HIP1R: variants seen among roughly 807,000 people sequenced by gnomAD.
HIP1R encodes the protein huntingtin interacting protein 1 related, also known as huntingtin-interacting protein 1-related protein.
HIP1R carries 135 observed loss-of-function variants against 144.2 expected under a neutral mutation model. The ratio of observed to expected loss-of-function variants is 0.94; its 90% CI spans 0.81 to 1.08. The LOEUF is 1.08. HIP1R is among the 50% of genes least tolerant of loss of function. The pLI is 0.00. For synonymous variants in HIP1R, 698 were observed against 612.8 expected, an observed-to-expected ratio of 1.14 and a Z score of -2.05; for missense variants, 1,462 against 1,432.8, an observed-to-expected ratio of 1.02 and a Z score of -0.33.
At chr12:122,842,577 A>G (rs971447232) in intron 1 of HIP1R, among the ~76,000 whole-genome samples, 1 of 152,154 alleles carries the variant, frequency 6.6e-6, no homozygotes, top group Admixed American at 6.5e-5. Context: ...ACAGAGTATG[A>G]TCGGTGGACA....
chr12:122,850,999 G>GC, intron 6 of HIP1R, 88 bp downstream of exon 6: 1 of 1,218,766 alleles, frequency 8.2e-7, no homozygotes, highest in Non-Finnish European at 1.2e-6. Context: ...GTCCGCATGG[G>GC]GCAGTGGGGT....
At chr12:122,838,320 T>TAA (rs66537531) in intron 1 of HIP1R, among the ~76,000 whole-genome samples, 17 of 145,384 alleles carry the variant, frequency 1.2e-4, no homozygotes, top group African/African-American at 3.6e-4. Context: ...GTCCCTTTGG[T>TAA]TAAAAAAAAA....
At position 122,851,261 on chromosome 12, in the gene HIP1R, G is replaced by C; in HGVS notation, c.541G>C (p.Asp181His). Residue 181 changes from aspartate to histidine, a missense_variant, in exon 7 of 32, where the codon GAT becomes CAT. By Grantham distance (81) the Asp-to-His change is moderately conservative (BLOSUM62 -1). Transcript: ENST00000253083. ...CTTCCAGCTCACTGTGGAGATGTTT[G>C]ATTACATGGATTGTGAGCTGAAGCT... ...NIFQLTVEMF[D>H]YMDCELKLSE... 1 of 1,552,290 alleles carries C rather than the reference G, an allele frequency of 6.4e-7. No homozygotes were observed. The highest frequency in any genetic ancestry group is 8.6e-7 in the Non-Finnish European group (1 of 1,157,312).
rs1369575855 is a variant in HIP1R, at chr12:122,848,068, C to A, written c.131C>A (p.Ala44Asp). The change falls in exon 2 of 32, where the codon GCC (alanine) becomes GAC (aspartate). Residue 44 changes from alanine (A) to aspartate (D), a missense_variant. Transcript: ENST00000253083. ...SISKAINTQE[A>D]PVKEKHARRI... ...AGCAAAGCCATCAACACCCAGGAGGCCCCCGTGAAGGAGAAGCACGCCCGG... is the reference window on the plus strand; with the variant it reads ...AGCAAAGCCATCAACACCCAGGAGGACCCCGTGAAGGAGAAGCACGCCCGG... The A allele has an allele frequency of 2.5e-6, 4 of 1,613,472 alleles. No homozygotes were observed. The highest frequency in any genetic ancestry group is 3.4e-6 in the Non-Finnish European group (4 of 1,179,970).
At position 122,861,784 on chromosome 12, in the gene HIP1R, G is replaced by C; in HGVS notation, c.*31G>C. The C allele has an allele frequency of 6.2e-7, 1 of 1,609,430 alleles. No individual in the cohort carries two copies. The highest frequency in any genetic ancestry group is 8.5e-7 in the Non-Finnish European group (1 of 1,176,264). On this transcript the variant is annotated 3_prime_UTR_variant, in exon 32 of 32. Coordinates refer to ENST00000253083, the MANE Select transcript of HIP1R (RefSeq NM_003959.3). The stretch of plus-strand genomic sequence containing the variant: ...CCAGGGGTCCAGCAGGGTGGCTGGT[G>C]ACAGGCCTGGGCCTCTGCAACTGCC...
At position 122,853,068 on chromosome 12, in the gene HIP1R, G is replaced by T. The variant is rs145286511; in HGVS notation, c.578-975G>T. 6.1e-3 allele frequency among the ~76,000 whole-genome samples: 931 copies of T among 152,268 alleles called. 14 individuals are homozygous for T. Among genetic ancestry groups the T allele is most frequent in the African/African-American group, 0.021 (888 of 41,548 alleles). On this transcript the variant is annotated intron_variant, in intron 7 of 31. Transcript: ENST00000253083. ...AGGGGCCAGGGCACAGGTCTGTGCA[G>T]CGGGGGCTGTCTGGCCGCTCTCCCG...
intron 8 of HIP1R, 41 bp downstream of exon 8, chr12:122,854,224 T>A: frequency 6.3e-7 from 1 of 1,584,842 alleles, no homozygotes; most frequent in Non-Finnish European, 8.6e-7. Context: ...AAGGCTGTGT[T>A]TATATGGCTT....
At chr12:122,854,695 C>CAA (rs2135665361) in intron 8 of HIP1R, among the ~76,000 whole-genome samples, 1 of 152,340 alleles carries the variant, frequency 6.6e-6, no homozygotes, top group Admixed American at 6.5e-5. Context: ...CCTTCCTTTC[C>CAA]ATTCGCTGTT....
At chr12:122,845,293 G>A (rs1023356948) in intron 1 of HIP1R, among the ~76,000 whole-genome samples, 9 of 152,214 alleles carry the variant, frequency 5.9e-5, no homozygotes, top group African/African-American at 9.6e-5. Flanking sequence ...CGAGGCCCAC[G>A]GAGCAGCCAC....
chr12:122,859,857 C>T, intron 24 of HIP1R, 27 bp downstream of exon 24: 2 of 1,605,258 alleles, frequency 1.2e-6, no homozygotes, highest in Non-Finnish European at 1.7e-6. Context: ...TCCCCCCAGG[C>T]CCAGCCGAGG....
intron 1 of HIP1R, among the ~76,000 whole-genome samples, chr12:122,843,811 C>G (rs1291112998): frequency 2.6e-5 from 4 of 152,192 alleles, no homozygotes; most frequent in Admixed American, 2.0e-4. Context: ...CCCTCCAACT[C>G]CCTTCTGCAA....
chr12:122,862,889 C>G lies in HIP1R; in HGVS notation c.*1136C>G, dbSNP rs981639516. ...AGCAAAAATGAGCCAGCACCAGCGC[C>G]TTGGCTTTGTGTTAGCATTTCCTCC... On this transcript the variant is annotated 3_prime_UTR_variant, in exon 32 of 32. Transcript: ENST00000253083. The G allele has an allele frequency of 1.3e-5, 2 of 152,198 alleles. No individual in the cohort carries two copies. Among genetic ancestry groups the G allele is most frequent in the African/African-American group, 4.8e-5 (2 of 41,430 alleles). 9.4% of individuals were successfully genotyped at this position (152,198 alleles called of 1,614,324 possible).
chr12:122,854,790 C>T (rs1266403428), intron 8 of HIP1R, 115 bp from the exon 9 acceptor site: 13 of 1,112,844 alleles, frequency 1.2e-5, no homozygotes, highest in South Asian at 5.5e-5. Flanking sequence ...GGGCCTGGCC[C>T]GGTCTCAGGT....
chr12:122,851,020 C>A, intron 6 of HIP1R, 109 bp downstream of exon 6: 1 of 1,024,288 alleles, frequency 9.8e-7, no homozygotes. Context: ...TGAATGAGTC[C>A]GTGGCTTTGT....
intron 1 of HIP1R, among the ~76,000 whole-genome samples, chr12:122,845,645 T>G (rs2033189365): frequency 6.6e-6 from 1 of 152,174 alleles, no homozygotes; most frequent in Admixed American, 6.5e-5. Context: ...CCCCTCGTGT[T>G]GCTGACTGCT....
chr12:122,858,424 C>T lies in HIP1R; in HGVS notation c.2039C>T (p.Thr680Ile), dbSNP rs754954664. 7 of 1,606,464 alleles carry T rather than the reference C, an allele frequency of 4.4e-6. No individual in the cohort carries two copies. The change falls in exon 20 of 32, where the codon ACC becomes ATC. Residue 680 changes from threonine to isoleucine, a missense_variant. By Grantham distance (89) the Thr-to-Ile change is moderately conservative (BLOSUM62 -1). Around this residue, in one of 2 missense-constraint regions of HIP1R, gnomAD observed 1,112 missense variants for 1,011.7 expected, o/e 1.10. Coordinates refer to ENST00000253083, the MANE Select transcript of HIP1R (RefSeq NM_003959.3). The part of the protein sequence containing the change: ...TLEEGHAQYL[T>I]SLADASALVA... ...GAGGAGGGCCACGCCCAGTACCTGA[C>T]CTCCTTGGCAGGTGAGTGTAGCCAG...
chr12:122,855,431 C>T (rs1300300602), intron 11 of HIP1R, 26 bp downstream of exon 11: 1 of 1,551,542 alleles, frequency 6.4e-7, no homozygotes, highest in Non-Finnish European at 8.7e-7. Context: ...AGCCCGTGTC[C>T]CCCAGTCCTC....
At chr12:122,861,074 C>T in intron 29 of HIP1R, 35 bp downstream of exon 29, 4 of 1,613,540 alleles carry the variant, frequency 2.5e-6, no homozygotes, top group Non-Finnish European at 3.4e-6. Context: ...CTGCTGGCTC[C>T]CGAGGCTGAA....
chr12:122,847,960 C>A, intron 1 of HIP1R, 71 bp from the exon 2 acceptor site: 1 of 1,431,032 alleles, frequency 7.0e-7, no homozygotes, highest in Non-Finnish European at 9.8e-7. Context: ...TATTGTGCTT[C>A]TCCCCCTTGG....
Sources: allele counts gnomAD v4.1 joint callset (sites outside exome capture counted in the v4.1 genomes callset), GRCh38; gene constraint gnomAD v4.1.1; regional missense constraint gnomAD v4.1.1; transcripts MANE v1.5; gene names NCBI Gene and HGNC (gene_info 2026-07-23, HGNC 2026-07-21).